Variants in SV2C observed in about 807,000 individuals in gnomAD.
The protein encoded by SV2C is synaptic vesicle glycoprotein 2C.
A neutral mutation model predicts 79.7 loss-of-function variants in SV2C; 49 were observed. The ratio of observed to expected loss-of-function variants is 0.61; its 90% confidence interval spans 0.49 to 0.78. SV2C has a LOEUF of 0.78. Among genes scored for constraint, SV2C ranks in the 30% least tolerant of loss-of-function variants. SV2C has a pLI of 0.00. For missense variants in SV2C, 833 were observed against 912.9 expected, an observed-to-expected ratio of 0.91 and a Z score of 1.13; for synonymous variants, 334 against 333.2, an observed-to-expected ratio of 1.00 and a Z score of -0.03.
chr5:76,268,110 A>G (rs1318928732), intron 4 of SV2C, among the ~76,000 whole-genome samples: 2 of 152,172 alleles, frequency 1.3e-5, no homozygotes, highest in Non-Finnish European at 2.9e-5. Flanking sequence ...CTGGTTGGAA[A>G]TGAGTGTGGA....
chr5:76,339,588 C>A (rs1210711876), intron 12 of SV2C, among the ~76,000 whole-genome samples: 1 of 151,930 alleles, frequency 6.6e-6, no homozygotes, highest in East Asian at 1.9e-4. Flanking sequence ...GTGGTGGGCA[C>A]CTGTAGTCCC....
the SV2C span, among the ~76,000 whole-genome samples, chr5:76,014,932 T>G: frequency 6.6e-6 from 1 of 152,196 alleles, no homozygotes; most frequent in African/African-American, 2.4e-5. Context: ...TACAGCCTAG[T>G]TAAGGGACCA....
intron 2 of SV2C, among the ~76,000 whole-genome samples, chr5:76,155,352 T>C (rs1742692954): frequency 6.6e-6 from 1 of 152,136 alleles, no homozygotes; most frequent in Non-Finnish European, 1.5e-5. Context: ...GTGAGAGCTG[T>C]AGTATTTGAA....
At chr5:76,255,269 C>G (rs1300194337) in intron 4 of SV2C, among the ~76,000 whole-genome samples, 1 of 152,214 alleles carries the variant, frequency 6.6e-6, no homozygotes, top group Non-Finnish European at 1.5e-5. Context: ...GTATATGTTT[C>G]TAGCTCACTC....
the SV2C span, among the ~76,000 whole-genome samples, chr5:76,020,518 G>T: frequency 6.6e-6 from 1 of 152,152 alleles, no homozygotes; most frequent in East Asian, 1.9e-4. Context: ...ATCTAACGGC[G>T]AGGGTAGCTC....
chr5:75,919,129 G>A, the SV2C span, among the ~76,000 whole-genome samples: 1 of 152,162 alleles, frequency 6.6e-6, no homozygotes, highest in Non-Finnish European at 1.5e-5. Context: ...AGCTTAGTAT[G>A]GAATACTCTG....
At chr5:76,243,796 G>A (rs1260303030) in intron 4 of SV2C, among the ~76,000 whole-genome samples, 2 of 152,094 alleles carry the variant, frequency 1.3e-5, no homozygotes, top group South Asian at 2.1e-4. Context: ...AGTCCTGGCC[G>A]GGCCCTCCTT....
At chr5:75,871,814 TAA>T in the SV2C span, among the ~76,000 whole-genome samples, 17,992 of 144,740 alleles carry the variant, frequency 0.12, 1,335 homozygotes, top group African/African-American at 0.22. Context: ...CTCAAATATA[TAA>T]ATATATATAT....
the SV2C span, among the ~76,000 whole-genome samples, chr5:75,954,619 T>C: frequency 0.42 from 59,522 of 141,976 alleles, 12,566 homozygotes; most frequent in Middle Eastern, 0.52. Context: ...TGTTTGCAGA[T>C]GACATGATTG....
the SV2C span, among the ~76,000 whole-genome samples, chr5:75,931,344 A>C: frequency 6.6e-6 from 1 of 152,250 alleles, no homozygotes; most frequent in African/African-American, 2.4e-5. Flanking sequence ...CTATGTGGTC[A>C]TAAGTCAATC....
In SV2C at chr5:76,340,210, C is replaced by T. The variant is rs185629242; in HGVS notation, c.2001-12920C>T. Among the ~76,000 whole-genome samples, 76 of 152,346 alleles carry T rather than the reference C, an allele frequency of 5.0e-4. 4 individuals are homozygous for T. The South Asian group carries it at 0.011, about 22-fold the overall frequency. ...AGGAACCCTCAGTTACAGGAATTGT[C>T]CACCCCTTTCCCAGAAAACTAATGA... is the stretch of plus-strand genomic sequence containing the variant. On this transcript the variant is annotated intron_variant, in intron 12 of 12. Coordinates refer to the SV2C transcript ENST00000322285.
the SV2C span, among the ~76,000 whole-genome samples, chr5:75,969,752 T>A: frequency 2.6e-5 from 4 of 152,054 alleles, no homozygotes; most frequent in Non-Finnish European, 4.4e-5. Context: ...CTGTCAACAT[T>A]AGACAGATCA....
intron 2 of SV2C, among the ~76,000 whole-genome samples, chr5:76,159,008 T>C (rs894077475): frequency 7.2e-5 from 11 of 152,084 alleles, no homozygotes; most frequent in Non-Finnish European, 1.3e-4. Flanking sequence ...ATTAATGTAA[T>C]GTACCGTATC....
At chr5:75,891,475 T>C in the SV2C span, among the ~76,000 whole-genome samples, 1 of 152,142 alleles carries the variant, frequency 6.6e-6, no homozygotes, top group African/African-American at 2.4e-5. Flanking sequence ...CCAAGTACAC[T>C]GATGCATAAT....
At chr5:75,963,616 T>A in the SV2C span, among the ~76,000 whole-genome samples, 1 of 152,140 alleles carries the variant, frequency 6.6e-6, no homozygotes, top group African/African-American at 2.4e-5. Flanking sequence ...TTCCAACATT[T>A]TACCATGGTG....
At chr5:75,948,056 G>C in the SV2C span, among the ~76,000 whole-genome samples, 2 of 151,984 alleles carry the variant, frequency 1.3e-5, no homozygotes, top group Non-Finnish European at 2.9e-5. Context: ...TGCCTTCCCA[G>C]AGGCCCCTGT....
At chr5:76,123,816 TACTAA>T (rs1486420612) in intron 1 of SV2C, among the ~76,000 whole-genome samples, 4 of 152,192 alleles carry the variant, frequency 2.6e-5, no homozygotes, top group African/African-American at 9.6e-5. Context: ...AGCCAAGAAT[TACTAA>T]ACTTGTGATA....
At chr5:75,968,167 T>A in the SV2C span, among the ~76,000 whole-genome samples, 2 of 152,090 alleles carry the variant, frequency 1.3e-5, no homozygotes, top group East Asian at 3.9e-4. Flanking sequence ...CAAAAACCCA[T>A]CTGTACGTCA....
chr5:75,854,618 C>T, the SV2C span, among the ~76,000 whole-genome samples: 1 of 152,042 alleles, frequency 6.6e-6, no homozygotes, highest in Non-Finnish European at 1.5e-5. Flanking sequence ...CACATAAGTC[C>T]TCTGTCAGTT....
Sources: gnomAD v4.1 joint callset for allele counts (sites outside exome capture counted in the v4.1 genomes callset) on GRCh38, gnomAD v4.1.1 for gene constraint, MANE v1.5 for transcripts, NCBI Gene and HGNC (gene_info 2026-07-23, HGNC 2026-07-21) for gene names.